The following GRM7 variants were observed in gnomAD, a reference collection of about 807,000 sequenced individuals.
The protein encoded by GRM7 is glutamate metabotropic receptor 7.
In GRM7, 35 loss-of-function variants were observed where a neutral mutation model predicts 84.5. That is an observed-to-expected ratio of 0.41 (90% CI 0.32 to 0.55). The LOEUF (loss-of-function observed/expected upper bound fraction) is 0.55, where lower values mean the gene tolerates loss of function less well. GRM7 is among the 20% of genes least tolerant of loss of function. GRM7 has a pLI of 0.19. For missense variants in GRM7, 1,003 were observed against 1,194.6 expected, an observed-to-expected ratio of 0.84 and a Z score of 2.36; for synonymous variants, 487 against 455.1, an observed-to-expected ratio of 1.07 and a Z score of -0.89.
In GRM7 at chr3:7,029,430, A is replaced by G. The variant is rs535197296; in HGVS notation, c.520-117022A>G. On this transcript the variant is annotated intron_variant, in intron 1 of 9. Transcript: ENST00000357716. ...GTATTTGTACACCAGTGTTGATGGCAGCAATATTCACAATAGTCAAAGGAT... is the reference window on the plus strand; with the variant it reads ...GTATTTGTACACCAGTGTTGATGGCGGCAATATTCACAATAGTCAAAGGAT... Among the ~76,000 whole-genome samples the G allele has an allele frequency of 1.2e-3, 188 of 152,302 alleles. 2 individuals are homozygous for G. The highest frequency in any genetic ancestry group is 1.9e-3 in the Non-Finnish European group (131 of 68,020).
chr3:7,227,186 A>G (rs1472236033), intron 2 of GRM7, among the ~76,000 whole-genome samples: 1 of 152,228 alleles, frequency 6.6e-6, no homozygotes, highest in East Asian at 1.9e-4. Flanking sequence ...TTTCTATAGT[A>G]GATAGAATTT....
chr3:7,076,266 C>G (rs1698073096), intron 1 of GRM7, among the ~76,000 whole-genome samples: 1 of 152,112 alleles, frequency 6.6e-6, no homozygotes, highest in African/African-American at 2.4e-5. Flanking sequence ...TCTTCCTGCA[C>G]CTGATATGGT....
chr3:7,665,330 C>T (rs113625846), intron 8 of GRM7, among the ~76,000 whole-genome samples: 2,626 of 151,472 alleles, frequency 0.017, 45 homozygotes, highest in Non-Finnish European at 0.022. Flanking sequence ...CGCCACCGCA[C>T]CCGGCTAATT....
At chr3:7,439,993 A>G (rs73810653) in intron 5 of GRM7, among the ~76,000 whole-genome samples, 174 of 152,324 alleles carry the variant, frequency 1.1e-3, no homozygotes, top group African/African-American at 4.1e-3. Context: ...ATAAAGTTGC[A>G]TTGAGGAGTA....
At chr3:7,645,368 G>GA (rs1432193602) in intron 8 of GRM7, among the ~76,000 whole-genome samples, 14 of 151,622 alleles carry the variant, frequency 9.2e-5, no homozygotes, top group African/African-American at 7.3e-5. Context: ...CCAACATGGT[G>GA]AAACCCCGTC....
chr3:7,661,751 G>A (rs1248712397), intron 8 of GRM7, among the ~76,000 whole-genome samples: 2 of 123,436 alleles, frequency 1.6e-5, no homozygotes, highest in Non-Finnish European at 3.2e-5. Context: ...CCGAGATCGT[G>A]CCACTGCACT....
At chr3:7,299,927 C>T (rs1699939236) in intron 3 of GRM7, among the ~76,000 whole-genome samples, 1 of 151,862 alleles carries the variant, frequency 6.6e-6, no homozygotes, top group South Asian at 2.1e-4. Flanking sequence ...TGTTAATCTA[C>T]AATGTGTTAT....
intron 9 of GRM7, among the ~76,000 whole-genome samples, chr3:7,697,466 C>G (rs1211995147): frequency 6.6e-6 from 1 of 152,036 alleles, no homozygotes; most frequent in Non-Finnish European, 1.5e-5. Flanking sequence ...CCCTTTATAC[C>G]TCAGCATTTC....
At chr3:7,173,392 C>T (rs953956304) in intron 2 of GRM7, among the ~76,000 whole-genome samples, 1 of 152,128 alleles carries the variant, frequency 6.6e-6, no homozygotes, top group African/African-American at 2.4e-5. Context: ...CCCTCTCCGG[C>T]TCCACCCCAT....
chr3:7,373,432 T>C (rs1309884667), intron 4 of GRM7, among the ~76,000 whole-genome samples: 10 of 152,212 alleles, frequency 6.6e-5, no homozygotes, highest in Non-Finnish European at 4.4e-5. Context: ...GGCTAAGCTT[T>C]AATCCCCCTT....
intron 1 of GRM7, among the ~76,000 whole-genome samples, chr3:7,062,309 G>A (rs1160353779): frequency 1.3e-5 from 2 of 151,608 alleles, no homozygotes; most frequent in Admixed American, 1.3e-4. Context: ...CAAAGAACAT[G>A]AAGGAGACGG....
intron 4 of GRM7, among the ~76,000 whole-genome samples, chr3:7,385,924 A>C (rs1279680271): frequency 6.6e-6 from 1 of 152,240 alleles, no homozygotes; most frequent in Non-Finnish European, 1.5e-5. Context: ...CATTCATAGG[A>C]ATGATGCTTC....
intron 2 of GRM7, among the ~76,000 whole-genome samples, chr3:7,170,069 T>G (rs1026896610): frequency 6.6e-6 from 1 of 152,186 alleles, no homozygotes; most frequent in Non-Finnish European, 1.5e-5. Context: ...AACTCATTCC[T>G]GGGTGTTGCT....
chr3:7,592,695 G>T (rs547982330), intron 8 of GRM7, among the ~76,000 whole-genome samples: 1 of 152,280 alleles, frequency 6.6e-6, no homozygotes, highest in South Asian at 2.1e-4. Flanking sequence ...TACCTGACAA[G>T]TGACCAGTAA....
chr3:7,110,591 T>TCA (rs370212342), intron 1 of GRM7, among the ~76,000 whole-genome samples: 6,660 of 143,600 alleles, frequency 0.046, 154 homozygotes, highest in Middle Eastern at 0.11. Flanking sequence ...CGATACTCTG[T>TCA]CACACACACA....
intron 9 of GRM7, among the ~76,000 whole-genome samples, chr3:7,700,420 G>C (rs1701183005): frequency 6.6e-6 from 1 of 152,120 alleles, no homozygotes; most frequent in Admixed American, 6.5e-5. Context: ...CAACAGCTTT[G>C]TTTTAAAAAA....
At chr3:7,072,961 T>G (rs1305533592) in intron 1 of GRM7, among the ~76,000 whole-genome samples, 1 of 152,166 alleles carries the variant, frequency 6.6e-6, no homozygotes, top group Middle Eastern at 3.2e-3. Flanking sequence ...TCTTATTGCT[T>G]TTGTGGACAA....
chr3:7,218,256 G>A (rs983737554), intron 2 of GRM7, among the ~76,000 whole-genome samples: 6 of 152,112 alleles, frequency 3.9e-5, no homozygotes, highest in African/African-American at 1.2e-4. Flanking sequence ...CTGACTAAAT[G>A]GTGTACATCA....
rs529954699 is a variant in GRM7 at position 6,985,752 on chromosome 3, G to A, written c.519+123845G>A. On this transcript the variant is annotated intron_variant, in intron 1 of 9. Coordinates refer to ENST00000357716, the MANE Select transcript of GRM7 (RefSeq NM_000844.4). ...GATGATAATACTGGCTGAAGCAGTT[G>A]GGCCTAGCAGGAACAAAAACGTGTT... Among the ~76,000 whole-genome samples the A allele has an allele frequency of 8.7e-4, 132 of 152,272 alleles. No individual in the cohort carries two copies. The Middle Eastern group carries it at 0.024, about 27-fold the overall frequency.
Sources: allele counts gnomAD v4.1 joint callset (sites outside exome capture counted in the v4.1 genomes callset), GRCh38; gene constraint gnomAD v4.1.1; transcripts MANE v1.5; gene names NCBI Gene and HGNC (gene_info 2026-07-23, HGNC 2026-07-21).